Variants in PHTF2 observed in about 807,000 individuals in gnomAD.
PHTF2 encodes the protein protein PHTF2.
Under a neutral mutation model 101.2 loss-of-function variants are expected in PHTF2, and 60 were observed. That is an observed-to-expected ratio of 0.59 (90% CI 0.48 to 0.73). The LOEUF is 0.73. Among genes scored for constraint, PHTF2 ranks in the 30% least tolerant of loss-of-function variants. The pLI is 0.00. For synonymous variants in PHTF2, 311 were observed against 307.3 expected, an observed-to-expected ratio of 1.01 and a Z score of -0.13; for missense variants, 747 against 908.7, an observed-to-expected ratio of 0.82 and a Z score of 2.29.
chr7:77,861,076 TC>T (rs1797603192), intron 3 of PHTF2, among the ~76,000 whole-genome samples: 1 of 152,206 alleles, frequency 6.6e-6, no homozygotes, highest in African/African-American at 2.4e-5. Flanking sequence ...TGGTCAGTTT[TC>T]CTTTGTATTT....
intron 3 of PHTF2, among the ~76,000 whole-genome samples, chr7:77,889,664 C>T (rs1363878267): frequency 7.3e-6 from 1 of 137,344 alleles, no homozygotes; most frequent in Non-Finnish European, 1.5e-5. Flanking sequence ...GATCTCGGCT[C>T]ACTGCAACCT....
intron 1 of PHTF2, among the ~76,000 whole-genome samples, chr7:77,829,579 AC>A (rs1445241516): frequency 6.6e-6 from 1 of 152,222 alleles, no homozygotes; most frequent in African/African-American, 2.4e-5. Flanking sequence ...CAAAGTAGGA[AC>A]CCTGAAACTA....
chr7:77,940,638 A>C (rs368137936), exon 15 of PHTF2: 27 of 1,606,362 alleles, frequency 1.7e-5, no homozygotes, highest in Non-Finnish European at 2.2e-5. Flanking sequence ...AAATGTGGCT[A>C]TCTCTCCGTT....
At chr7:77,937,124 T>C (rs565284055) in intron 12 of PHTF2, among the ~76,000 whole-genome samples, 1 of 152,174 alleles carries the variant, frequency 6.6e-6, no homozygotes, top group Non-Finnish European at 1.5e-5. Flanking sequence ...AAATGCTGGA[T>C]TAAAATATCA....
In PHTF2 at chr7:77,821,174, G is replaced by C. The variant is rs547920627; in HGVS notation, c.-35-19047G>C. 2.0e-5 allele frequency among the ~76,000 whole-genome samples: 3 copies of C among 151,084 alleles called. No homozygotes were observed. The South Asian group carries it at 6.3e-4, about 32-fold the overall frequency. ...TTTTGAATATATCATCTCATTCTCT[G>C]CTGGCCTGTAAGGCTTCTACTGAGA... On this transcript the variant is annotated intron_variant, in intron 1 of 19. Coordinates refer to ENST00000416283, the Ensembl canonical transcript of PHTF2.
exon 7 of PHTF2, chr7:77,901,802 T>G (rs1250303535): frequency 6.4e-7 from 1 of 1,560,296 alleles, no homozygotes; most frequent in Non-Finnish European, 8.7e-7. Flanking sequence ...GTCCTTGGAC[T>G]TCTCTGACCA....
chr7:77,944,080 T>TAG, intron 16 of PHTF2, among the ~76,000 whole-genome samples: 1 of 152,114 alleles, frequency 6.6e-6, no homozygotes. Context: ...ATTGTGTACA[T>TAG]ATCTGAGTTC....
intron 1 of PHTF2, among the ~76,000 whole-genome samples, chr7:77,810,231 A>G (rs1793328128): frequency 1.3e-5 from 2 of 152,008 alleles, no homozygotes; most frequent in Admixed American, 6.6e-5. Context: ...GAGTCATGAT[A>G]CTCCTTTACC....
intron 3 of PHTF2, among the ~76,000 whole-genome samples, chr7:77,864,198 C>A (rs999322290): frequency 2.6e-5 from 4 of 152,184 alleles, no homozygotes; most frequent in African/African-American, 9.7e-5. Context: ...GTTACAGGAA[C>A]TCACATAAAG....
At chr7:77,919,557 TCAAG>T (rs1803250552) in intron 9 of PHTF2, among the ~76,000 whole-genome samples, 1 of 152,188 alleles carries the variant, frequency 6.6e-6, no homozygotes, top group Non-Finnish European at 1.5e-5. Flanking sequence ...AGAGGACTCC[TCAAG>T]TGTTTGCCTG....
chr7:77,922,706 T>A, exon 11 of PHTF2: 1 of 1,610,126 alleles, frequency 6.2e-7, no homozygotes, highest in Non-Finnish European at 8.5e-7. Flanking sequence ...TACGTCGTCA[T>A]GTGGACAGGA....
chr7:77,819,157 A>G (rs1490510252), intron 1 of PHTF2, among the ~76,000 whole-genome samples: 1 of 152,144 alleles, frequency 6.6e-6, no homozygotes, highest in Non-Finnish European at 1.5e-5. Context: ...AAGTTTTTCT[A>G]TATATAAGAT....
At chr7:77,799,620 A>G (rs1357802991) in intron 1 of PHTF2, among the ~76,000 whole-genome samples, 1 of 151,956 alleles carries the variant, frequency 6.6e-6, no homozygotes, top group Non-Finnish European at 1.5e-5. Flanking sequence ...AGCTTTTCTT[A>G]TTTTTATCTG....
In PHTF2 at chr7:77,940,524, T is replaced by G. The variant is rs1805557852; in HGVS notation, c.1741-4T>G. ...AAATTAATCCTCATCTTAATCTTTT[T>G]TAGCGATTACTTTTTGCAAAACTCT... On this transcript the variant is annotated splice_polypyrimidine_tract_variant and splice_region_variant and intron_variant, in intron 14 of 19. Coordinates refer to ENST00000416283, the Ensembl canonical transcript of PHTF2. 6.3e-7 allele frequency: 1 copy of G among 1,589,728 alleles called. No homozygotes were observed. Among genetic ancestry groups the G allele is most frequent in the Non-Finnish European group, 8.5e-7 (1 of 1,170,192 alleles).
rs1458071440 is a variant in PHTF2, at chr7:77,910,539, T to A, written c.776+130T>A. On this transcript the variant is annotated intron_variant, in intron 9 of 19. Transcript: ENST00000416283. The stretch of plus-strand genomic sequence containing the variant: ...TCATTATGGATTTTGTTTTGATAAA[T>A]TATAATAGTATAGATAATGGAAAAA... 3 of 658,956 alleles carry A rather than the reference T, an allele frequency of 4.6e-6. No homozygotes were observed. In the East Asian group the frequency reaches 8.4e-5, roughly 18 times the overall value. The allele number at this position is 658,956 out of a possible 1,614,324, so 40.8% of individuals were successfully genotyped here.
chr7:77,814,139 A>G (rs990556080), intron 1 of PHTF2, among the ~76,000 whole-genome samples: 1 of 152,296 alleles, frequency 6.6e-6, no homozygotes, highest in African/African-American at 2.4e-5. Flanking sequence ...TTGCAAGCCC[A>G]GGCTGTAAAT....
chr7:77,847,899 C>T (rs1006935999), intron 2 of PHTF2, among the ~76,000 whole-genome samples: 3 of 152,150 alleles, frequency 2.0e-5, no homozygotes, highest in South Asian at 2.1e-4. Flanking sequence ...CTCTACTCTA[C>T]ATTTTCATGA....
intron 11 of PHTF2, 124 bp from the exon 11 acceptor site, chr7:77,928,981 TCTCA>T (rs1292471896): frequency 1.6e-5 from 10 of 619,250 alleles, no homozygotes; most frequent in African/African-American, 3.7e-5. Flanking sequence ...TGTTTTGCTG[TCTCA>T]CTATCTTTTG....
At chr7:77,911,854 T>C (rs1802428184) in intron 9 of PHTF2, among the ~76,000 whole-genome samples, 1 of 152,210 alleles carries the variant, frequency 6.6e-6, no homozygotes, top group African/African-American at 2.4e-5. Context: ...CTTTAGTCTT[T>C]TAAAAAAAAT....
Sources: allele counts gnomAD v4.1 joint callset (sites outside exome capture counted in the v4.1 genomes callset), GRCh38; gene constraint gnomAD v4.1.1; transcripts MANE v1.5; gene names NCBI Gene and HGNC (gene_info 2026-07-23, HGNC 2026-07-21).